The following CAMK2B variants were observed in gnomAD, a reference collection of about 807,000 sequenced individuals.
CAMK2B encodes calcium/calmodulin-dependent protein kinase type II subunit beta.
A neutral mutation model predicts 93.7 loss-of-function variants in CAMK2B; 27 were observed. That is an observed-to-expected ratio of 0.29 (90% CI 0.21 to 0.40). The LOEUF (loss-of-function observed/expected upper bound fraction) is 0.40. Among genes scored for constraint, CAMK2B ranks in the 10% least tolerant of loss-of-function variants. The probability of loss-of-function intolerance (pLI) is 1.00; values close to 1 mark genes in which losing one functional copy is unlikely to be tolerated. For synonymous variants in CAMK2B, 374 were observed against 358.8 expected (o/e 1.04, Z -0.48); for missense variants, 568 against 895.8 (o/e 0.63, Z 4.67).
rs956986922 is a variant in CAMK2B, at chr7:44,225,604, C to T, written c.1597+912G>A. Among the ~76,000 whole-genome samples the T allele has an allele frequency of 1.3e-5, 2 of 152,108 alleles. No individual in the cohort carries two copies. The highest frequency in any genetic ancestry group is 2.9e-5 in the Non-Finnish European group (2 of 67,980). On this transcript the variant is annotated intron_variant, in intron 20 of 23. Transcript: ENST00000395749. This position sits in a 1 kb window ranked among gnomAD's most constrained non-coding sequence, Gnocchi z 5.0. ...CGGGCACCCAGGGTGGATCCAGTGCCCCTTTGAGCCTGCAGCCTGCATCCC... is the reference window on the plus strand; with the variant it reads ...CGGGCACCCAGGGTGGATCCAGTGCTCCTTTGAGCCTGCAGCCTGCATCCC...
intron 1 of CAMK2B, among the ~76,000 whole-genome samples, chr7:44,293,556 T>C (rs1376900562): frequency 6.6e-6 from 1 of 152,202 alleles, no homozygotes; most frequent in Non-Finnish European, 1.5e-5. Context: ...AGGCAATTTT[T>C]CCACAGACTG....
At chr7:44,265,470 G>A (rs1584387416) in intron 2 of CAMK2B, among the ~76,000 whole-genome samples, 1 of 152,246 alleles carries the variant, frequency 6.6e-6, no homozygotes, top group Admixed American at 6.5e-5. Context: ...GGGAAAGGAG[G>A]ACCTAGGAGG....
intron 1 of CAMK2B, among the ~76,000 whole-genome samples, chr7:44,317,190 G>A (rs185487594): frequency 6.8e-6 from 1 of 146,132 alleles, no homozygotes; most frequent in East Asian, 2.0e-4. Context: ...AAGAAATCTG[G>A]AACAGACTAA....
chr7:44,319,322 A>G (rs1316001351), intron 1 of CAMK2B, among the ~76,000 whole-genome samples: 1 of 152,174 alleles, frequency 6.6e-6, no homozygotes, highest in Non-Finnish European at 1.5e-5. Context: ...ACTTATCTCC[A>G]CCTGGTCTCT....
rs1440878793 is a variant in CAMK2B, at chr7:44,311,649, G to A, written c.65+13708C>T. Among the ~76,000 whole-genome samples the A allele has an allele frequency of 1.3e-5, 2 of 152,126 alleles. No homozygotes were observed. The highest frequency in any genetic ancestry group is 2.1e-4 in the South Asian group (1 of 4,822). ...CCCAGAGGGGCTGTCCTGCCCCTGC[G>A]AGCACCACAGCCTGGCTCTGCGGTT... On this transcript the variant is annotated intron_variant, in intron 1 of 23. Coordinates refer to ENST00000395749, the MANE Select transcript of CAMK2B (RefSeq NM_001220.5). This position sits in a 1 kb window ranked among gnomAD's most constrained non-coding sequence, Gnocchi z 4.2.
chr7:44,220,232 C>T lies in CAMK2B; in HGVS notation c.1831G>A (p.Gly611Arg). 1 of 1,613,456 alleles carries T rather than the reference C, an allele frequency of 6.2e-7. No individual in the cohort carries two copies. Among genetic ancestry groups the T allele is most frequent in the Non-Finnish European group, 8.5e-7 (1 of 1,180,038 alleles). The change falls in exon 23 of 24, where the codon GGA (glycine) becomes AGA (arginine). Residue 611 changes from glycine (G) to arginine (R), a missense_variant. Gly to Arg is a moderately radical substitution (Grantham distance 125, BLOSUM62 -2). Transcript: ENST00000395749. ...TILNPHVHVI[G>R]EDAACIAYIR... Reference sequence around the variant, plus strand: ...TAAGCGATGCAGGCGGCATCCTCTCCAATGACGTGCACGTGTGGGTTCAGG... The same window carrying T: ...TAAGCGATGCAGGCGGCATCCTCTCTAATGACGTGCACGTGTGGGTTCAGG...
At chr7:44,290,218 G>T (rs1462474929) in intron 1 of CAMK2B, among the ~76,000 whole-genome samples, 1 of 152,254 alleles carries the variant, frequency 6.6e-6, no homozygotes, top group African/African-American at 2.4e-5. Flanking sequence ...GAAAGAAGCT[G>T]AGGAGCCCTG....
chr7:44,288,064 G>T (rs1785628726), intron 1 of CAMK2B, among the ~76,000 whole-genome samples: 1 of 152,214 alleles, frequency 6.6e-6, no homozygotes, highest in Admixed American at 6.5e-5. Context: ...AGCAGTACAG[G>T]AAGAGCGGCC....
chr7:44,229,030 G>T, intron 18 of CAMK2B, 106 bp from the exon 19 acceptor site: 1 of 1,097,442 alleles, frequency 9.1e-7, no homozygotes, highest in Non-Finnish European at 1.4e-6. Flanking sequence ...GACCCCTTGG[G>T]CCCTGGGATC....
At chr7:44,220,349 C>T (rs993592634) in intron 22 of CAMK2B, 55 bp from the exon 23 acceptor site, 11 of 1,335,102 alleles carry the variant, frequency 8.2e-6, no homozygotes, top group African/African-American at 2.9e-5. Flanking sequence ...CCCTGGTGCC[C>T]GTCTTCCACC....
chr7:44,324,469 G>T (rs532349245), intron 1 of CAMK2B, among the ~76,000 whole-genome samples: 17 of 152,264 alleles, frequency 1.1e-4, no homozygotes, highest in South Asian at 2.1e-4. Flanking sequence ...TCTCACCCCA[G>T]GGGCAAAGCC....
chr7:44,240,569 T>A (rs958097158), intron 12 of CAMK2B, 138 bp downstream of exon 12: 2 of 947,146 alleles, frequency 2.1e-6, no homozygotes, highest in Admixed American at 4.1e-5. Flanking sequence ...GGGCAGTGGG[T>A]CTCAGAGCTG....
intron 3 of CAMK2B, 78 bp from the exon 4 acceptor site, chr7:44,259,004 C>A: frequency 7.7e-7 from 1 of 1,299,980 alleles, no homozygotes; most frequent in Non-Finnish European, 1.1e-6. Context: ...CCTGTCCAGG[C>A]ACACCACCAG....
chr7:44,229,774 A>G, intron 17 of CAMK2B: 1 of 361,380 alleles, frequency 2.8e-6, no homozygotes, highest in Non-Finnish European at 4.9e-6. Context: ...AGGCTGGCGC[A>G]GAGTCAGAGG....
At chr7:44,252,366 G>A (rs1001908113) in intron 5 of CAMK2B, among the ~76,000 whole-genome samples, 1 of 151,914 alleles carries the variant, frequency 6.6e-6, no homozygotes, top group African/African-American at 2.4e-5. Context: ...CACACAGGGG[G>A]CCAAGAGGGA....
At chr7:44,288,896 G>A (rs1322931325) in intron 1 of CAMK2B, among the ~76,000 whole-genome samples, 1 of 152,150 alleles carries the variant, frequency 6.6e-6, no homozygotes, top group East Asian at 1.9e-4. Context: ...GAGGTGCTGA[G>A]TGTACCTCCC....
chr7:44,226,771 G>A (rs2096485746), intron 19 of CAMK2B, 127 bp from the exon 20 acceptor site: 1 of 415,328 alleles, frequency 2.4e-6, no homozygotes, highest in Non-Finnish European at 4.0e-6. Flanking sequence ...TGGGGCACAA[G>A]GGGACAGAGG....
Position 44,220,204 on chromosome 7 carries a change from A to C in CAMK2B, c.1859T>G (p.Ile620Ser). 6.2e-7 allele frequency: 1 copy of C among 1,613,258 alleles called. No homozygotes were observed. The highest frequency in any genetic ancestry group is 8.5e-7 in the Non-Finnish European group (1 of 1,180,026). The change falls in exon 23 of 24, where the codon ATC becomes AGC. Residue 620 changes from isoleucine (I) to serine (S), a missense_variant. Ile to Ser is a moderately radical substitution (Grantham distance 142, BLOSUM62 -2). Around this residue, in one of 4 missense-constraint regions of CAMK2B, gnomAD observed 116 missense variants for 188.0 expected, o/e 0.62. Coordinates refer to ENST00000395749, the MANE Select transcript of CAMK2B (RefSeq NM_001220.5). ...IGEDAACIAYIRLTQYIDGQG... is the reference protein window; with the variant it reads ...IGEDAACIAYSRLTQYIDGQG... ...CCCGTCAATGTACTGCGTGAGCCGG[A>C]TGTAAGCGATGCAGGCGGCATCCTC...
chr7:44,277,708 C>T (rs895710005), intron 2 of CAMK2B, among the ~76,000 whole-genome samples: 18 of 152,248 alleles, frequency 1.2e-4, no homozygotes, highest in African/African-American at 4.3e-4. Context: ...AATCCTTCTC[C>T]CCCACCAACC....
Sources: allele counts gnomAD v4.1 joint callset (sites outside exome capture counted in the v4.1 genomes callset), GRCh38; gene constraint gnomAD v4.1.1; regional missense constraint gnomAD v4.1.1; non-coding constraint Gnocchi (gnomAD v3.1); transcripts MANE v1.5; gene names NCBI Gene and HGNC (gene_info 2026-07-23, HGNC 2026-07-21).